Variants in PLCL2 observed in about 807,000 individuals in gnomAD.
PLCL2 encodes phospholipase C like 2, also known as inactive phospholipase C-like protein 2.
Under a neutral mutation model 79.6 loss-of-function variants are expected in PLCL2, and 4 were observed. The observed-to-expected ratio is 0.05, with a 90% CI of 0.02 to 0.11. PLCL2 has a LOEUF of 0.11. PLCL2 is among the 10% of genes least tolerant of loss of function. PLCL2 has a pLI of 1.00. For missense variants in PLCL2, 895 were observed against 1,291.0 expected (o/e 0.69, Z 4.70); for synonymous variants, 484 against 457.7 (o/e 1.06, Z -0.73).
intron 3 of PLCL2, among the ~76,000 whole-genome samples, chr3:17,022,213 CT>C (rs2064462895): frequency 6.6e-6 from 1 of 152,150 alleles, no homozygotes; most frequent in South Asian, 2.1e-4. Flanking sequence ...TAGGGAACTT[CT>C]TTGTAAACCT....
intron 1 of PLCL2, among the ~76,000 whole-genome samples, chr3:16,909,751 G>C (rs1379797529): frequency 6.6e-6 from 1 of 152,122 alleles, no homozygotes; most frequent in Non-Finnish European, 1.5e-5. Context: ...AAATAATTCT[G>C]TCTTTTTTGG....
chr3:17,066,844 A>G (rs576778792), intron 4 of PLCL2, among the ~76,000 whole-genome samples: 3 of 152,354 alleles, frequency 2.0e-5, no homozygotes, highest in Admixed American at 2.0e-4. Context: ...TATTAATAAT[A>G]TGTACACATT....
At chr3:16,950,065 C>T (rs182063063) in intron 1 of PLCL2, among the ~76,000 whole-genome samples, 25 of 152,234 alleles carry the variant, frequency 1.6e-4, no homozygotes, top group African/African-American at 5.1e-4. Context: ...CAAGGTTTTT[C>T]GATATCTGGT....
intron 4 of PLCL2, among the ~76,000 whole-genome samples, chr3:17,048,547 T>C (rs971829950): frequency 6.6e-6 from 1 of 152,178 alleles, no homozygotes; most frequent in African/African-American, 2.4e-5. Flanking sequence ...TTAAAGCCCA[T>C]ACATGACGTC....
rs1385545118 is a variant in PLCL2 at position 16,885,260 on chromosome 3, G to A, written c.221G>A (p.Arg74Lys). 6.0e-6 allele frequency: 4 copies of A among 667,446 alleles called. No homozygotes were observed. In the Admixed American group the frequency reaches 8.9e-5, roughly 15 times the overall value. The allele number at this position is 667,446 out of a possible 1,614,324, so 41.3% of individuals were successfully genotyped here. A position where few individuals can be genotyped will look rare whatever the true frequency, so the allele number is the denominator to read the frequency against. The change falls in exon 1 of 6, where the codon AGG (arginine) becomes AAG (lysine). Residue 74 changes from arginine (R) to lysine (K), a missense_variant. Coordinates refer to ENST00000615277, the MANE Select transcript of PLCL2 (RefSeq NM_001144382.2). ...SGDEARASPT[R>K]GPRGVALAPT... is the part of the protein sequence containing the mutation. Reference sequence around the variant, plus strand: ...GACGAAGCCCGGGCTAGCCCTACCAGGGGACCCCGCGGCGTTGCGCTCGCC... The same window carrying A: ...GACGAAGCCCGGGCTAGCCCTACCAAGGGACCCCGCGGCGTTGCGCTCGCC...
intron 1 of PLCL2, among the ~76,000 whole-genome samples, chr3:16,922,552 A>G (rs1277088801): frequency 2.0e-5 from 3 of 152,132 alleles, no homozygotes; most frequent in South Asian, 4.1e-4. Flanking sequence ...CTTCCTATGC[A>G]TGTATGCATT....
chr3:16,980,812 C>T (rs1043382508), intron 1 of PLCL2, among the ~76,000 whole-genome samples: 7 of 152,088 alleles, frequency 4.6e-5, no homozygotes, highest in African/African-American at 9.7e-5. Context: ...TGTAGCCAGC[C>T]AAGATCACGC....
intron 1 of PLCL2, among the ~76,000 whole-genome samples, chr3:16,912,130 C>G (rs181390359): frequency 6.6e-6 from 1 of 152,152 alleles, no homozygotes; most frequent in Non-Finnish European, 1.5e-5. Context: ...TATATGGATG[C>G]CTTGCCTCAT....
rs557864693 is a variant in PLCL2 at position 16,939,639 on chromosome 3, A to G, written c.327+54273A>G. 6.2e-4 allele frequency among the ~76,000 whole-genome samples: 94 copies of G among 152,370 alleles called. No homozygotes were observed. The Middle Eastern group carries it at 0.01, about 17-fold the overall frequency. ...ATAAAAAAGTAGTTATTTCTAGAATAAAATTTATAAAGATGGATTAAGCCT... is the reference window on the plus strand; with the variant it reads ...ATAAAAAAGTAGTTATTTCTAGAATGAAATTTATAAAGATGGATTAAGCCT... On this transcript the variant is annotated intron_variant, in intron 1 of 5. Transcript: ENST00000615277.
At chr3:16,981,146 C>T (rs1322663729) in intron 1 of PLCL2, among the ~76,000 whole-genome samples, 1 of 106,242 alleles carries the variant, frequency 9.4e-6, no homozygotes, top group Non-Finnish European at 1.9e-5. Flanking sequence ...GAGAGGGAGA[C>T]TCGGGGGAGA....
chr3:17,031,833 C>A (rs2064586003), intron 3 of PLCL2, among the ~76,000 whole-genome samples: 1 of 151,502 alleles, frequency 6.6e-6, no homozygotes, highest in South Asian at 2.1e-4. Flanking sequence ...CATAAACTGG[C>A]AGAAATTATT....
intron 3 of PLCL2, among the ~76,000 whole-genome samples, chr3:17,015,211 G>T (rs2064371161): frequency 1.3e-5 from 2 of 152,186 alleles, no homozygotes; most frequent in Non-Finnish European, 2.9e-5. Flanking sequence ...GTAGGAACGA[G>T]TTTTTAAAAA....
intron 4 of PLCL2, among the ~76,000 whole-genome samples, chr3:17,059,580 A>G (rs1433707137): frequency 6.6e-6 from 1 of 151,974 alleles, no homozygotes; most frequent in Non-Finnish European, 1.5e-5. Context: ...ACATGCATAT[A>G]TAGATATATA....
At chr3:16,992,930 G>A (rs1410978773) in intron 1 of PLCL2, among the ~76,000 whole-genome samples, 1 of 152,220 alleles carries the variant, frequency 6.6e-6, no homozygotes, top group Non-Finnish European at 1.5e-5. Flanking sequence ...TTCACAAGCA[G>A]GTAGAAGTGG....
chr3:16,916,045 C>A (rs946518322), intron 1 of PLCL2, among the ~76,000 whole-genome samples: 1 of 152,090 alleles, frequency 6.6e-6, no homozygotes, highest in African/African-American at 2.4e-5. Flanking sequence ...TAGTAAGGGC[C>A]CATAATCTTA....
chr3:16,936,928 C>T (rs1295172507), intron 1 of PLCL2, among the ~76,000 whole-genome samples: 1 of 152,112 alleles, frequency 6.6e-6, no homozygotes, highest in African/African-American at 2.4e-5. Flanking sequence ...TTTTCAGCCT[C>T]AGTACTATGA....
chr3:16,926,426 T>C (rs1024282787), intron 1 of PLCL2, among the ~76,000 whole-genome samples: 5 of 152,224 alleles, frequency 3.3e-5, no homozygotes, highest in African/African-American at 2.4e-5. Flanking sequence ...AATGAGGTCA[T>C]GTATGCAAAA....
intron 3 of PLCL2, among the ~76,000 whole-genome samples, chr3:17,035,156 A>G (rs1437592576): frequency 6.6e-6 from 1 of 152,188 alleles, no homozygotes; most frequent in African/African-American, 2.4e-5. Context: ...GCAAGCTGTC[A>G]CATAATTTCC....
intron 5 of PLCL2, among the ~76,000 whole-genome samples, chr3:17,084,023 T>C (rs1480381892): frequency 2.0e-5 from 3 of 152,196 alleles, no homozygotes; most frequent in East Asian, 1.9e-4. Context: ...TTGAAAACCT[T>C]ATTAAAATCA....
Sources: gnomAD v4.1 joint callset for allele counts (sites outside exome capture counted in the v4.1 genomes callset) on GRCh38, gnomAD v4.1.1 for gene constraint, MANE v1.5 for transcripts, NCBI Gene and HGNC (gene_info 2026-07-23, HGNC 2026-07-21) for gene names.